CDH4: variants seen among roughly 807,000 people sequenced by gnomAD.
The protein encoded by CDH4 is cadherin 4, also known as cadherin-4.
In CDH4, 33 loss-of-function variants were observed where a neutral mutation model predicts 86.0. That is an observed-to-expected ratio of 0.38 (90% CI 0.29 to 0.51). The LOEUF (loss-of-function observed/expected upper bound fraction) is 0.51. Ranked by LOEUF, CDH4 falls within the 20% of genes least tolerant of loss-of-function variation. The pLI is 0.86. For synonymous variants in CDH4, 555 were observed against 549.4 expected (o/e 1.01, Z -0.14); for missense variants, 1,114 against 1,307.4 (o/e 0.85, Z 2.28).
At chr20:61,611,912 C>T (rs947231751) in intron 2 of CDH4, among the ~76,000 whole-genome samples, 7 of 152,018 alleles carry the variant, frequency 4.6e-5, no homozygotes, top group African/African-American at 7.3e-5. Flanking sequence ...TGTGGATGGG[C>T]GAAAACTTCT....
At chr20:61,656,150 T>C (rs1320933397) in intron 2 of CDH4, among the ~76,000 whole-genome samples, 1 of 152,136 alleles carries the variant, frequency 6.6e-6, no homozygotes, top group Non-Finnish European at 1.5e-5. Context: ...TCTGACATGC[T>C]CTTGCTTGGG....
intron 2 of CDH4, among the ~76,000 whole-genome samples, chr20:61,736,989 A>G (rs1395519710): frequency 2.0e-5 from 3 of 152,062 alleles, no homozygotes; most frequent in African/African-American, 7.2e-5. Context: ...CTGCCAGGAG[A>G]AGGTCGAGGT....
intron 7 of CDH4, among the ~76,000 whole-genome samples, chr20:61,892,429 A>G (rs1438570192): frequency 6.6e-6 from 1 of 152,240 alleles, no homozygotes; most frequent in African/African-American, 2.4e-5. Flanking sequence ...AGGGTTACAG[A>G]CAATGATCAA....
intron 9 of CDH4, among the ~76,000 whole-genome samples, chr20:61,911,491 TTTTGAA>T (rs1407987915): frequency 6.6e-6 from 1 of 152,222 alleles, no homozygotes. Context: ...CCCAAAACAA[TTTTGAA>T]TAGGACTAAG....
intron 2 of CDH4, among the ~76,000 whole-genome samples, chr20:61,671,561 G>T (rs769859065): frequency 6.6e-6 from 1 of 151,886 alleles, no homozygotes; most frequent in South Asian, 2.1e-4. Flanking sequence ...AATAATAGAC[G>T]GATGATAGGT....
chr20:61,691,831 C>T (rs985180382), intron 2 of CDH4, among the ~76,000 whole-genome samples: 3 of 152,326 alleles, frequency 2.0e-5, no homozygotes, highest in Non-Finnish European at 2.9e-5. Flanking sequence ...CTGGTGGAGA[C>T]GTCCTTACGC....
At chr20:61,395,389 T>C (rs2085010997) in intron 2 of CDH4, among the ~76,000 whole-genome samples, 1 of 152,192 alleles carries the variant, frequency 6.6e-6, no homozygotes, top group Non-Finnish European at 1.5e-5. Context: ...TGCTCATATA[T>C]GACATATATA....
At chr20:61,340,436 G>A (rs922793894) in intron 2 of CDH4, among the ~76,000 whole-genome samples, 1 of 152,192 alleles carries the variant, frequency 6.6e-6, no homozygotes, top group African/African-American at 2.4e-5. Flanking sequence ...GAGATATTTT[G>A]CTAAAGGGGC....
chr20:61,289,355 C>T (rs1408367497), intron 2 of CDH4, among the ~76,000 whole-genome samples: 1 of 152,248 alleles, frequency 6.6e-6, no homozygotes, highest in Non-Finnish European at 1.5e-5. Context: ...GACCCAGGGT[C>T]ATTTGGCCCC....
chr20:61,305,299 C>G (rs1289512598), intron 2 of CDH4, among the ~76,000 whole-genome samples: 6 of 152,142 alleles, frequency 3.9e-5, no homozygotes, highest in Non-Finnish European at 8.8e-5. Flanking sequence ...AGATGCAGGG[C>G]CAGTGCACCT....
intron 2 of CDH4, among the ~76,000 whole-genome samples, chr20:61,670,110 A>G (rs1022548606): frequency 6.6e-6 from 1 of 152,188 alleles, no homozygotes; most frequent in African/African-American, 2.4e-5. Context: ...AGGCAATAAA[A>G]CCATAGCTCC....
chr20:61,920,521 TGTG>T (rs1341479123), intron 9 of CDH4, among the ~76,000 whole-genome samples: 1 of 146,448 alleles, frequency 6.8e-6, no homozygotes, highest in Non-Finnish European at 1.5e-5. Flanking sequence ...TATGTGGAAG[TGTG>T]GTGTCGTGAT....
chr20:61,700,349 T>C (rs1483199023), intron 2 of CDH4, among the ~76,000 whole-genome samples: 1 of 152,224 alleles, frequency 6.6e-6, no homozygotes, highest in Non-Finnish European at 1.5e-5. Context: ...CCTGCGTGGC[T>C]GGTCACGTCT....
chr20:61,329,654 G>A (rs899937282), intron 2 of CDH4, among the ~76,000 whole-genome samples: 7 of 150,080 alleles, frequency 4.7e-5, no homozygotes, highest in African/African-American at 1.7e-4. Flanking sequence ...CTTGGATTCC[G>A]CAGACCCTGG....
At chr20:61,575,686 C>G (rs1473021233) in intron 2 of CDH4, among the ~76,000 whole-genome samples, 2 of 152,176 alleles carry the variant, frequency 1.3e-5, no homozygotes, top group East Asian at 3.8e-4. Flanking sequence ...TTGTCTGTAA[C>G]TGCTTTCATT....
chr20:61,499,485 TA>T (rs1303384343), intron 2 of CDH4: 17 of 1,289,026 alleles, frequency 1.3e-5, no homozygotes, highest in Non-Finnish European at 1.7e-5. Flanking sequence ...TACCCTGCTT[TA>T]AAGAAGGCAA....
chr20:61,844,824 G>A lies in CDH4; in HGVS notation c.732+1G>A. 4 of 1,610,508 alleles carry A rather than the reference G, an allele frequency of 2.5e-6. No homozygotes were observed. Among genetic ancestry groups the A allele is most frequent in the Non-Finnish European group, 3.4e-6 (4 of 1,177,810 alleles). On this transcript the variant is annotated splice_donor_variant, in intron 5 of 15. Coordinates refer to ENST00000614565, the MANE Select transcript of CDH4 (RefSeq NM_001794.5). LOFTEE classifies it high-confidence loss of function. ...CCGGGAGGAGCACGCCTCTTACCAC[G>A]TGAGTGTCCACACCCGGCTGAGAAT...
intron 4 of CDH4, among the ~76,000 whole-genome samples, chr20:61,803,341 G>A (rs555356528): frequency 5.3e-5 from 8 of 152,316 alleles, no homozygotes; most frequent in Non-Finnish European, 1.0e-4. Context: ...TCCCCGGGCT[G>A]GGTTATTTGA....
intron 2 of CDH4, among the ~76,000 whole-genome samples, chr20:61,476,770 T>C (rs1031433321): frequency 1.2e-4 from 19 of 152,312 alleles, no homozygotes; most frequent in African/African-American, 4.1e-4. Flanking sequence ...CTGAATATGG[T>C]TGAAAGGACA....
Sources: allele counts gnomAD v4.1 joint callset (sites outside exome capture counted in the v4.1 genomes callset), GRCh38; gene constraint gnomAD v4.1.1; transcripts MANE v1.5; gene names NCBI Gene and HGNC (gene_info 2026-07-23, HGNC 2026-07-21).